Variants in GAL3ST2 observed in about 807,000 individuals in gnomAD.
GAL3ST2 encodes the protein galactose-3-O-sulfotransferase 2, also known as beta-galactose-3-O-sulfotransferase 2.
A neutral mutation model predicts 12.9 loss-of-function variants in GAL3ST2; 16 were observed. The ratio of observed to expected loss-of-function variants is 1.24; its 90% CI spans 0.84 to 1.88. The LOEUF (loss-of-function observed/expected upper bound fraction) is 1.88. Among genes scored for constraint, GAL3ST2 ranks in the 40% most tolerant of loss-of-function variants. The pLI is 0.00. For synonymous variants in GAL3ST2, 302 were observed against 273.9 expected (o/e 1.10, Z -1.01); for missense variants, 639 against 571.8 (o/e 1.12, Z -1.20).
chr2:241,786,960 C>G (rs1293809603), intron 1 of GAL3ST2, among the ~76,000 whole-genome samples: 1 of 152,180 alleles, frequency 6.6e-6, no homozygotes, highest in Non-Finnish European at 1.5e-5. Flanking sequence ...TCAAAGTCTC[C>G]CCTCTGCTCA....
In GAL3ST2 at chr2:241,802,046, G is replaced by T; in HGVS notation, c.375+10G>T. On this transcript the variant is annotated intron_variant, in intron 3 of 3. Transcript: ENST00000192314. This position sits in a 1 kb window ranked among gnomAD's most constrained non-coding sequence, Gnocchi z 4.8. ...GTTCAACCTGCCTCAGGTACCGCGG[G>T]CCTGCTGGGGAGGAGGGCGGGCTGC... is the stretch of plus-strand genomic sequence containing the variant. The T allele has an allele frequency of 6.2e-7, 1 of 1,602,842 alleles. No homozygotes were observed. Among genetic ancestry groups the T allele is most frequent in the African/African-American group, 1.3e-5 (1 of 74,864 alleles).
At chr2:241,782,782 C>G (rs991522169) in intron 1 of GAL3ST2, among the ~76,000 whole-genome samples, 2 of 152,152 alleles carry the variant, frequency 1.3e-5, no homozygotes, top group African/African-American at 4.8e-5. Flanking sequence ...TCCTGTAATT[C>G]AGTGTCACAA....
At chr2:241,777,391 G>A (rs778473649) in intron 1 of GAL3ST2, among the ~76,000 whole-genome samples, 52 of 152,318 alleles carry the variant, frequency 3.4e-4, no homozygotes, top group Non-Finnish European at 6.9e-4. Flanking sequence ...TGGAGCGTTG[G>A]TCATGCGTGC....
intron 1 of GAL3ST2, among the ~76,000 whole-genome samples, chr2:241,787,524 T>C (rs1273566127): frequency 6.7e-6 from 1 of 148,162 alleles, no homozygotes; most frequent in Non-Finnish European, 1.5e-5. Flanking sequence ...TTTATTTTGC[T>C]GTACAACTTC....
intron 1 of GAL3ST2, among the ~76,000 whole-genome samples, chr2:241,792,322 A>G (rs1264948144): frequency 6.7e-6 from 1 of 150,332 alleles, no homozygotes; most frequent in Non-Finnish European, 1.5e-5. Context: ...GAACCACTGC[A>G]CCCACCCGCC....
chr2:241,793,500 ATGTG>A lies in GAL3ST2; in HGVS notation c.30-5559_30-5556del, dbSNP rs910213342. Among the ~76,000 whole-genome samples, 4 of 151,146 alleles carry A rather than the reference ATGTG, an allele frequency of 2.6e-5. No individual in the cohort carries two copies. Among genetic ancestry groups the A allele is most frequent in the African/African-American group, 7.3e-5 (3 of 40,874 alleles). ...TGTGTATTATATGTACATATTGTGT[ATGTG>A]TGTGTATATGTATGTGTGTATTGTG... On this transcript the variant is annotated intron_variant, in intron 1 of 3. Transcript: ENST00000192314. This position sits in a 1 kb window ranked among gnomAD's most constrained non-coding sequence, Gnocchi z 4.7.
intron 1 of GAL3ST2, among the ~76,000 whole-genome samples, chr2:241,778,245 G>C (rs535141204): frequency 6.6e-6 from 1 of 152,222 alleles, no homozygotes; most frequent in Non-Finnish European, 1.5e-5. Context: ...TGCTTGGCCT[G>C]TGGGTGGAAC....
chr2:241,796,099 C>T (rs1334785332), intron 1 of GAL3ST2, among the ~76,000 whole-genome samples: 1 of 152,292 alleles, frequency 6.6e-6, no homozygotes, highest in African/African-American at 2.4e-5. Context: ...CCAGTGTCTT[C>T]GAGACCCACA....
rs73106167 is a variant in GAL3ST2, at chr2:241,793,990, G to A, written c.30-5075G>A. Among the ~76,000 whole-genome samples, 1,159 of 152,150 alleles carry A rather than the reference G, an allele frequency of 7.6e-3. 25 individuals are homozygous for A. The highest frequency in any genetic ancestry group is 0.026 in the African/African-American group (1,074 of 41,482). On this transcript the variant is annotated intron_variant, in intron 1 of 3. Coordinates refer to ENST00000192314, the MANE Select transcript of GAL3ST2 (RefSeq NM_022134.3). This position sits in a 1 kb window ranked among gnomAD's most constrained non-coding sequence, Gnocchi z 4.7. The stretch of plus-strand genomic sequence containing the variant: ...GAGACAGAGACTGGCTCTGTGACCC[G>A]GGCTAGAGTGTGGTGGTGAGATCAA...
chr2:241,798,112 C>T (rs539215972), intron 1 of GAL3ST2, among the ~76,000 whole-genome samples: 1 of 152,312 alleles, frequency 6.6e-6, no homozygotes, highest in Admixed American at 6.5e-5. Flanking sequence ...GGATGGGGGA[C>T]CCTGGCTCCC....
chr2:241,788,041 T>C (rs1475739334), intron 1 of GAL3ST2, among the ~76,000 whole-genome samples: 1 of 152,222 alleles, frequency 6.6e-6, no homozygotes, highest in Non-Finnish European at 1.5e-5. Flanking sequence ...CATTTACTTT[T>C]CTTCCACCCC....
intron 1 of GAL3ST2, among the ~76,000 whole-genome samples, chr2:241,785,868 A>G (rs1036950219): frequency 6.6e-6 from 1 of 152,138 alleles, no homozygotes; most frequent in Non-Finnish European, 1.5e-5. Context: ...ACACACACAC[A>G]CACACACACA....
rs912008599 is a variant in GAL3ST2, at chr2:241,795,631, C to T, written c.30-3434C>T. On this transcript the variant is annotated intron_variant, in intron 1 of 3. Coordinates refer to ENST00000192314, the MANE Select transcript of GAL3ST2 (RefSeq NM_022134.3). The surrounding 1 kb of genome is among the most constrained non-coding windows in gnomAD (Gnocchi z 4.5). ...AGCCGTAAAACTGCCCTTCCCACCT[C>T]GTGCAGCCACTCTCCCGGGGAGGGT... 1.3e-5 allele frequency among the ~76,000 whole-genome samples: 2 copies of T among 152,208 alleles called. No homozygotes were observed. The highest frequency in any genetic ancestry group is 4.8e-5 in the African/African-American group (2 of 41,468).
intron 1 of GAL3ST2, among the ~76,000 whole-genome samples, chr2:241,785,708 A>G (rs1210711214): frequency 6.6e-6 from 1 of 152,146 alleles, no homozygotes; most frequent in African/African-American, 2.4e-5. Context: ...AGAGGGTGCA[A>G]GATAAAGGAG....
chr2:241,787,879 C>G (rs1375644115), intron 1 of GAL3ST2, among the ~76,000 whole-genome samples: 1 of 152,066 alleles, frequency 6.6e-6, no homozygotes, highest in African/African-American at 2.4e-5. Context: ...ACCAACTCAG[C>G]CTGACTTGGT....
chr2:241,783,036 G>A (rs1001174617), intron 1 of GAL3ST2, among the ~76,000 whole-genome samples: 2 of 151,968 alleles, frequency 1.3e-5, no homozygotes, highest in Non-Finnish European at 2.9e-5. Flanking sequence ...CTACTTCGAG[G>A]CTGAGGCAGA....
intron 1 of GAL3ST2, among the ~76,000 whole-genome samples, chr2:241,787,657 GAGA>G (rs1699645290): frequency 6.6e-6 from 1 of 151,166 alleles, no homozygotes; most frequent in Admixed American, 6.6e-5. Flanking sequence ...ACTTCCAACA[GAGA>G]AGATGAGTTT....
rs1051391619 is a variant in GAL3ST2, at chr2:241,800,274, A to G, written c.119+1120A>G. Among the ~76,000 whole-genome samples the G allele has an allele frequency of 6.6e-6, 1 of 151,534 alleles. No individual in the cohort carries two copies. The highest frequency in any genetic ancestry group is 1.5e-5 in the Non-Finnish European group (1 of 67,854). On this transcript the variant is annotated intron_variant, in intron 2 of 3. Coordinates refer to ENST00000192314, the MANE Select transcript of GAL3ST2 (RefSeq NM_022134.3). The surrounding 1 kb of genome is among the most constrained non-coding windows in gnomAD (Gnocchi z 5.2). ...TGGAGAGGACACTTTGTTTCTTAAA[A>G]AGTGTGGACATCCCACAGGCTGGGA...
chr2:241,785,860 A>C (rs940723453), intron 1 of GAL3ST2, among the ~76,000 whole-genome samples: 2 of 144,098 alleles, frequency 1.4e-5, no homozygotes, highest in Admixed American at 8.3e-5. Context: ...TTTTAAATAC[A>C]CACACACACA....
Sources: allele counts gnomAD v4.1 joint callset (sites outside exome capture counted in the v4.1 genomes callset), GRCh38; gene constraint gnomAD v4.1.1; non-coding constraint Gnocchi (gnomAD v3.1); transcripts MANE v1.5; gene names NCBI Gene and HGNC (gene_info 2026-07-23, HGNC 2026-07-21).